The following GRID2 variants were observed in gnomAD, a reference collection of about 807,000 sequenced individuals.
GRID2 encodes glutamate receptor ionotropic, delta-2.
GRID2 carries 33 observed loss-of-function variants against 114.8 expected under a neutral mutation model. The observed-to-expected ratio is 0.29, with a 90% CI of 0.22 to 0.38. The LOEUF is 0.38. GRID2 is among the 10% of genes least tolerant of loss of function. GRID2 has a pLI of 1.00. For synonymous variants in GRID2, 505 were observed against 449.9 expected, an observed-to-expected ratio of 1.12 and a Z score of -1.55; for missense variants, 1,184 against 1,257.7, an observed-to-expected ratio of 0.94 and a Z score of 0.89.
At position 93,273,899 on chromosome 4, in the gene GRID2, A is replaced by G. The variant is rs73837752; in HGVS notation, c.1245+35409A>G. On this transcript the variant is annotated intron_variant, in intron 8 of 15. Transcript: ENST00000282020. Reference sequence around the variant, plus strand: ...TTTCCTTTTCATTCCCAAAGAATGTAGCTGTGCAGACACCTTGATTTTAGC... The same window carrying G: ...TTTCCTTTTCATTCCCAAAGAATGTGGCTGTGCAGACACCTTGATTTTAGC... Among the ~76,000 whole-genome samples the G allele has an allele frequency of 5.2e-3, 794 of 152,322 alleles. 4 individuals carry two copies. Among genetic ancestry groups the G allele is most frequent in the African/African-American group, 0.018 (760 of 41,566 alleles).
At chr4:93,546,801 T>G (rs1347024170) in intron 13 of GRID2, among the ~76,000 whole-genome samples, 1 of 151,628 alleles carries the variant, frequency 6.6e-6, no homozygotes, top group Non-Finnish European at 1.5e-5. Context: ...TCTATTCTAA[T>G]TTTTTTTTAT....
chr4:92,708,826 T>C (rs1735074181), intron 2 of GRID2, among the ~76,000 whole-genome samples: 1 of 152,154 alleles, frequency 6.6e-6, no homozygotes, highest in Admixed American at 6.5e-5. Flanking sequence ...CTTGGTAGGC[T>C]GACACAGGAG....
chr4:92,427,689 G>T lies in GRID2; in HGVS notation c.88+122945G>T, dbSNP rs147947573. Among the ~76,000 whole-genome samples, 384 of 152,242 alleles carry T rather than the reference G, an allele frequency of 2.5e-3. 5 individuals carry two copies. The East Asian group carries it at 0.064, about 25-fold the overall frequency. On this transcript the variant is annotated intron_variant, in intron 1 of 15. Transcript: ENST00000282020. ...AATAGCAACAAAATGTTAACAAATA[G>T]AGCGAATAGACCAAGTTATCTTGGT...
chr4:92,374,803 G>C (rs990927866), intron 1 of GRID2, among the ~76,000 whole-genome samples: 10 of 152,070 alleles, frequency 6.6e-5, no homozygotes, highest in Non-Finnish European at 2.9e-5. Flanking sequence ...GTCAAGTGTA[G>C]GGAATAGACC....
chr4:92,456,161 GA>G (rs113019215), intron 1 of GRID2, among the ~76,000 whole-genome samples: 37,661 of 145,030 alleles, frequency 0.26, 4,867 homozygotes, highest in African/African-American at 0.34. Context: ...AGCTTTCCCA[GA>G]AAAAAAAAAA....
At chr4:93,357,310 T>A (rs1021601815) in intron 8 of GRID2, among the ~76,000 whole-genome samples, 79 of 151,662 alleles carry the variant, frequency 5.2e-4, no homozygotes, top group African/African-American at 1.8e-3. Flanking sequence ...ATTTATTTCA[T>A]TATTTATGCA....
chr4:92,576,687 A>G (rs186133306), intron 1 of GRID2, among the ~76,000 whole-genome samples: 1 of 152,162 alleles, frequency 6.6e-6, no homozygotes, highest in Admixed American at 6.5e-5. Context: ...GCATGGGCCC[A>G]TGATGGGACC....
intron 2 of GRID2, among the ~76,000 whole-genome samples, chr4:92,802,979 G>T (rs1354328151): frequency 6.6e-6 from 1 of 151,920 alleles, no homozygotes; most frequent in Non-Finnish European, 1.5e-5. Context: ...ACCCAAGATT[G>T]CCCTCACAGA....
chr4:93,490,883 C>G (rs973121523), intron 12 of GRID2, 106 bp downstream of exon 12: 2 of 718,974 alleles, frequency 2.8e-6, no homozygotes, highest in African/African-American at 1.8e-5. Flanking sequence ...TGTACAACTT[C>G]TCTTTGAGTA....
intron 8 of GRID2, among the ~76,000 whole-genome samples, chr4:93,280,363 A>G (rs975305157): frequency 5.9e-5 from 9 of 152,042 alleles, no homozygotes; most frequent in Non-Finnish European, 8.8e-5. Flanking sequence ...AAACAATTAT[A>G]TACAAATACA....
intron 2 of GRID2, among the ~76,000 whole-genome samples, chr4:92,954,478 G>C (rs1217982817): frequency 1.3e-5 from 2 of 151,966 alleles, no homozygotes; most frequent in Non-Finnish European, 2.9e-5. Flanking sequence ...CCAGACTGGA[G>C]TGCAGTGGAG....
intron 1 of GRID2, among the ~76,000 whole-genome samples, chr4:92,510,858 TA>T (rs58768935): frequency 0.011 from 1,544 of 144,044 alleles, 14 homozygotes; most frequent in African/African-American, 0.028. Context: ...ATGTGTCAAT[TA>T]AAAAAAAAAA....
chr4:92,656,991 A>G (rs1732276065), intron 2 of GRID2, among the ~76,000 whole-genome samples: 1 of 151,606 alleles, frequency 6.6e-6, no homozygotes, highest in African/African-American at 2.4e-5. Context: ...TCTATAAACC[A>G]TTGGTTTGTC....
chr4:93,144,850 T>A (rs895498185), intron 4 of GRID2, among the ~76,000 whole-genome samples: 1 of 152,140 alleles, frequency 6.6e-6, no homozygotes, highest in Non-Finnish European at 1.5e-5. Context: ...GGAGTACCCA[T>A]AAAAAGCAAC....
chr4:92,673,119 T>G (rs1025782893), intron 2 of GRID2, among the ~76,000 whole-genome samples: 2 of 152,184 alleles, frequency 1.3e-5, no homozygotes, highest in African/African-American at 4.8e-5. Context: ...TTCTTTTTTA[T>G]TTCTTACTGT....
chr4:93,203,494 G>A (rs977252250), intron 4 of GRID2, among the ~76,000 whole-genome samples: 1 of 151,920 alleles, frequency 6.6e-6, no homozygotes, highest in Non-Finnish European at 1.5e-5. Flanking sequence ...TTGTAAAAAA[G>A]ATTCTAAATA....
intron 1 of GRID2, among the ~76,000 whole-genome samples, chr4:93,784,995 C>A (rs760769266): frequency 6.6e-6 from 1 of 152,128 alleles, no homozygotes; most frequent in Non-Finnish European, 1.5e-5. Flanking sequence ...GGAACTGAGC[C>A]TTGAAAGAGA....
rs749542291 is a variant in GRID2, at chr4:93,697,869, G to GTATATATATATATATATATATATATATA, written c.2361-71330_2361-71329insATATATATATATATATATATATATATAT. Among the ~76,000 whole-genome samples the GTATATATATATATATATATATATATATA allele has an allele frequency of 6.0e-3, 731 of 122,550 alleles. 19 individuals are homozygous for GTATATATATATATATATATATATATATA. The highest frequency in any genetic ancestry group is 0.017 in the East Asian group (55 of 3,146). The allele number at this position is 122,550 out of a possible 152,430, so 80.4% of individuals were successfully genotyped here. On this transcript the variant is annotated intron_variant, in intron 14 of 15. Coordinates refer to ENST00000282020, the MANE Select transcript of GRID2 (RefSeq NM_001510.4). ...TCAATTTAGTCATTCCACAATGTGT[G>GTATATATATATATATATATATATATATA]TATATATATATTTCAAAACAATACG...
chr4:93,208,721 G>T (rs958618534), intron 5 of GRID2, among the ~76,000 whole-genome samples: 7 of 151,728 alleles, frequency 4.6e-5, no homozygotes, highest in African/African-American at 1.7e-4. Context: ...TCTGTTTTTG[G>T]TCTGCCAAAC....
Sources: gnomAD v4.1 joint callset for allele counts (sites outside exome capture counted in the v4.1 genomes callset) on GRCh38, gnomAD v4.1.1 for gene constraint, MANE v1.5 for transcripts, NCBI Gene and HGNC (gene_info 2026-07-23, HGNC 2026-07-21) for gene names.